NTM: variants seen among roughly 807,000 people sequenced by gnomAD.
NTM encodes neurotrimin.
In NTM, 13 loss-of-function variants were observed where a neutral mutation model predicts 42.1. The ratio of observed to expected loss-of-function variants is 0.31; its 90% CI spans 0.20 to 0.49. The LOEUF (loss-of-function observed/expected upper bound fraction) is 0.49, where lower values mean the gene tolerates loss of function less well. Among genes scored for constraint, NTM ranks in the 20% least tolerant of loss-of-function variants. The pLI, the probability that NTM is intolerant of heterozygous loss-of-function variation, is 0.99. For missense variants in NTM, 373 were observed against 452.8 expected, an observed-to-expected ratio of 0.82 and a Z score of 1.60; for synonymous variants, 187 against 179.2, an observed-to-expected ratio of 1.04 and a Z score of -0.35.
chr11:131,502,697 T>C (rs1035356047), intron 1 of NTM: 1 of 152,236 alleles, frequency 6.6e-6, no homozygotes, highest in Non-Finnish European at 1.5e-5. Flanking sequence ...GTTGAAGTCA[T>C]CGTCTGTAAC....
At chr11:131,874,028 A>AT (rs1277362507) in intron 1 of NTM, among the ~76,000 whole-genome samples, 2,423 of 59,602 alleles carry the variant, frequency 0.041, 159 homozygotes, top group Non-Finnish European at 0.066. Context: ...ATAATATAAT[A>AT]TAATATATAT....
intron 1 of NTM, among the ~76,000 whole-genome samples, chr11:131,910,508 C>T (rs1306751386): frequency 6.6e-6 from 1 of 151,494 alleles, no homozygotes; most frequent in South Asian, 2.1e-4. Context: ...GAGCGCAGTC[C>T]GCGCCGCCAG....
chr11:132,054,663 G>A (rs1264820410), intron 2 of NTM, among the ~76,000 whole-genome samples: 1 of 152,178 alleles, frequency 6.6e-6, no homozygotes, highest in African/African-American at 2.4e-5. Flanking sequence ...ATAGAATACA[G>A]TCAATCTAGA....
intron 1 of NTM, chr11:131,537,812 T>C (rs776279083): frequency 6.6e-6 from 1 of 152,434 alleles, no homozygotes; most frequent in African/African-American, 2.4e-5. Flanking sequence ...GCACTAAGCA[T>C]GGATTCCATC....
intron 2 of NTM, among the ~76,000 whole-genome samples, chr11:131,980,690 G>A (rs532220907): frequency 4.3e-4 from 66 of 152,322 alleles, no homozygotes; most frequent in African/African-American, 1.6e-3. Context: ...CCAATGCTGT[G>A]CTGAGCTCTG....
chr11:131,698,124 G>T (rs182532924), intron 1 of NTM, among the ~76,000 whole-genome samples: 2 of 152,168 alleles, frequency 1.3e-5, no homozygotes, highest in South Asian at 2.1e-4. Flanking sequence ...TGTTAATATT[G>T]GGATCTTTTT....
At chr11:131,628,786 A>G (rs900943928) in intron 1 of NTM, among the ~76,000 whole-genome samples, 1 of 152,178 alleles carries the variant, frequency 6.6e-6, no homozygotes, top group African/African-American at 2.4e-5. Context: ...CTGAAGTGCT[A>G]AAGTGCTGTT....
In NTM at chr11:131,797,868, G is replaced by A. The variant is rs113034739; in HGVS notation, c.83-113696G>A. Among the ~76,000 whole-genome samples the A allele has an allele frequency of 2.2e-3, 328 of 152,008 alleles. 4 individuals carry two copies. Among genetic ancestry groups the A allele is most frequent in the African/African-American group, 6.9e-3 (285 of 41,448 alleles). On this transcript the variant is annotated intron_variant, in intron 1 of 8. Coordinates refer to ENST00000683400, the MANE Select transcript of NTM (RefSeq NM_001352005.2). The stretch of plus-strand genomic sequence containing the variant: ...GTATCATATAATTAAAACTACAATG[G>A]CCCCCTCCACAAATTTTAAGCAGTC...
intron 1 of NTM, among the ~76,000 whole-genome samples, chr11:131,554,316 G>A (rs959426102): frequency 6.6e-6 from 1 of 152,148 alleles, no homozygotes; most frequent in African/African-American, 2.4e-5. Context: ...TTTCAGTGAT[G>A]AACCTGTGAT....
intron 2 of NTM, among the ~76,000 whole-genome samples, chr11:131,992,055 G>A (rs1054139930): frequency 2.6e-5 from 4 of 152,092 alleles, no homozygotes; most frequent in Admixed American, 2.0e-4. Flanking sequence ...TGAACAGTAT[G>A]GGTTTTAACT....
intron 7 of NTM, among the ~76,000 whole-genome samples, chr11:132,315,884 G>C: frequency 6.6e-6 from 1 of 152,176 alleles, no homozygotes; most frequent in East Asian, 1.9e-4. Flanking sequence ...TGATTGATGT[G>C]TCTGGCATCT....
At chr11:132,062,668 C>T (rs1367825994) in intron 2 of NTM, among the ~76,000 whole-genome samples, 1 of 152,080 alleles carries the variant, frequency 6.6e-6, no homozygotes, top group Non-Finnish European at 1.5e-5. Flanking sequence ...TGTAGCCAGC[C>T]CTAACCAAAA....
intron 1 of NTM, among the ~76,000 whole-genome samples, chr11:131,854,134 G>T (rs1328771585): frequency 6.6e-6 from 1 of 152,128 alleles, no homozygotes. Context: ...CATAACTGAA[G>T]TCATCTTAGA....
chr11:131,513,560 C>G (rs2048522640), intron 1 of NTM, among the ~76,000 whole-genome samples: 1 of 152,210 alleles, frequency 6.6e-6, no homozygotes, highest in Admixed American at 6.5e-5. Context: ...CGGCTTCCTT[C>G]CCAAGTCCTT....
intron 2 of NTM, among the ~76,000 whole-genome samples, chr11:132,122,206 C>T (rs1024751665): frequency 2.6e-5 from 4 of 152,104 alleles, no homozygotes; most frequent in East Asian, 1.9e-4. Context: ...AGGGCTGGGG[C>T]GCTGGGACCC....
intron 7 of NTM, among the ~76,000 whole-genome samples, chr11:132,320,844 G>C (rs1375498969): frequency 6.6e-6 from 1 of 151,696 alleles, no homozygotes; most frequent in African/African-American, 2.4e-5. Context: ...CGGGCAGACT[G>C]CCTCCTCAAG....
chr11:131,479,252 A>T (rs11222667), intron 1 of NTM, among the ~76,000 whole-genome samples: 53,028 of 152,176 alleles, frequency 0.35, 9,674 homozygotes, highest in East Asian at 0.49. Context: ...TTATAATACA[A>T]TGGAAAATGT....
chr11:131,591,531 C>T (rs1040385136), intron 1 of NTM, among the ~76,000 whole-genome samples: 20 of 152,206 alleles, frequency 1.3e-4, no homozygotes, highest in African/African-American at 4.8e-4. Context: ...CATGGATTCC[C>T]TGCCTAACAA....
intron 1 of NTM, among the ~76,000 whole-genome samples, chr11:131,705,371 C>T (rs934422222): frequency 3.3e-5 from 5 of 152,100 alleles, no homozygotes; most frequent in African/African-American, 9.7e-5. Flanking sequence ...ATACTTCACT[C>T]GGCAAAGCTA....
Sources: gnomAD v4.1 joint callset for allele counts (sites outside exome capture counted in the v4.1 genomes callset) on GRCh38, gnomAD v4.1.1 for gene constraint, MANE v1.5 for transcripts, NCBI Gene and HGNC (gene_info 2026-07-23, HGNC 2026-07-21) for gene names.